NBPF9: variants seen among roughly 807,000 people sequenced by gnomAD.
NBPF9 encodes NBPF family member NBPF9.
In NBPF9, 91 loss-of-function variants were observed where a neutral mutation model predicts 97.8. The observed-to-expected ratio is 0.93, with a 90% CI of 0.79 to 1.11. The LOEUF is 1.11. Among genes scored for constraint, NBPF9 ranks in the 50% least tolerant of loss-of-function variants. NBPF9 has a pLI of 0.00. For synonymous variants in NBPF9, 334 were observed against 359.5 expected (o/e 0.93, Z 0.80); for missense variants, 992 against 939.5 (o/e 1.06, Z -0.73).
At chr1:149,062,296 C>T (rs587634619) in intron 21 of NBPF9, 31 bp from the exon 22 acceptor site, 63 of 634,534 alleles carry the variant, frequency 9.9e-5, no homozygotes, top group East Asian at 3.0e-4. Flanking sequence ...AAAGAATAAG[C>T]CAGGGGGAAT....
rs1553648719 is a variant in NBPF9, at chr1:149,055,856, G to A, written c.3136C>T (p.Gln1046Ter). 2 of 1,606,960 alleles carry A rather than the reference G, an allele frequency of 1.2e-6. No individual in the cohort carries two copies. Among genetic ancestry groups the A allele is most frequent in the African/African-American group, 1.3e-5 (1 of 74,834 alleles). ...GAATAACATCCATCCAGTGAGTCCTGCAAGACTTCAGGCTCTTCCACTTCC... is the reference window on the plus strand; with the variant it reads ...GAATAACATCCATCCAGTGAGTCCTACAAGACTTCAGGCTCTTCCACTTCC... The change falls in exon 30 of 30, where the codon CAG becomes TAG. Residue 1046 changes from glutamine (Q) to a stop codon, truncating the protein, a stop_gained. Transcript: ENST00000584027. LOFTEE classifies it low-confidence loss of function (END_TRUNC).
At chr1:149,082,123 C>T (rs782331884) in exon 7 of NBPF9, 1 of 1,611,902 alleles carries the variant, frequency 6.2e-7, no homozygotes, top group South Asian at 1.1e-5. Context: ...GGACCAAGGG[C>T]CGGCTGATAC....
At chr1:149,058,094 C>T in intron 27 of NBPF9, 70 bp downstream of exon 27, 1 of 495,602 alleles carries the variant, frequency 2.0e-6, no homozygotes, top group South Asian at 1.9e-5. Flanking sequence ...TGTCAGCCCG[C>T]TCTGTTTTCC....
intron 5 of NBPF9, among the ~76,000 whole-genome samples, chr1:149,083,589 TTA>T (rs1456860549): frequency 5.6e-5 from 8 of 143,226 alleles, no homozygotes; most frequent in African/African-American, 2.0e-4. Context: ...TCTCAAATTT[TTA>T]TATTCATTGA....
chr1:149,072,147 G>T (rs1450825788), intron 14 of NBPF9, among the ~76,000 whole-genome samples: 1 of 150,714 alleles, frequency 6.6e-6, no homozygotes, highest in Non-Finnish European at 1.5e-5. Context: ...CTATCCATGG[G>T]GAGTGCTCCA....
chr1:149,100,593 C>A (rs1553663063), intron 3 of NBPF9, among the ~76,000 whole-genome samples: 2 of 151,876 alleles, frequency 1.3e-5, no homozygotes, highest in African/African-American at 2.4e-5. Flanking sequence ...AAAGGATAGT[C>A]TTTTCAATAA....
chr1:149,093,093 G>A (rs1298492199), intron 4 of NBPF9, among the ~76,000 whole-genome samples: 2 of 151,954 alleles, frequency 1.3e-5, no homozygotes, highest in African/African-American at 2.4e-5. Context: ...GGGGGATGTG[G>A]CAGGACAATA....
Position 149,090,652 on chromosome 1 carries a change from G to A in NBPF9, c.-195+101C>T. The A allele has an allele frequency of 2.4e-5, 14 of 589,548 alleles. No homozygotes were observed. In the South Asian group the frequency reaches 2.7e-4, roughly 11 times the overall value. The allele number at this position is 589,548 out of a possible 1,614,324, so 36.5% of individuals were successfully genotyped here. A position where few individuals can be genotyped will look rare whatever the true frequency, so the allele number is the denominator to read the frequency against. On this transcript the variant is annotated intron_variant, in intron 5 of 29. Coordinates refer to ENST00000584027, the Ensembl canonical transcript of NBPF9. ...AGTGATACGAAGAAAACTCAGCTAA[G>A]CATATGGGCTAGATTAGAGAGAAAA... is the stretch of plus-strand genomic sequence containing the variant.
At chr1:149,055,614 C>T (rs782671745) in exon 30 of NBPF9, 12 of 1,611,190 alleles carry the variant, frequency 7.4e-6, no homozygotes, top group Non-Finnish European at 8.5e-7. Context: ...GCCTATAGGT[C>T]CTGCCTGCAG....
intron 19 of NBPF9, among the ~76,000 whole-genome samples, chr1:149,064,038 A>ACACACG (rs2078848647): frequency 1.5e-5 from 2 of 136,120 alleles, no homozygotes; most frequent in African/African-American, 2.9e-5. Context: ...ACACACACAC[A>ACACACG]GAGCGAGCTG....
At chr1:149,075,544 T>C in intron 12 of NBPF9, 111 bp downstream of exon 12, 1 of 1,355,334 alleles carries the variant, frequency 7.4e-7, no homozygotes. Flanking sequence ...TCTGTTTTCC[T>C]AGAAGTATGG....
rs1216254316 is a variant in NBPF9 at position 149,055,730 on chromosome 1, C to A, written c.3262G>T (p.Asp1088Tyr). The stretch of plus-strand genomic sequence containing the variant: ...ACCGTCAAAGTAAAAAACCTATTGT[C>A]CACGTAAAGGGCGAAGCTGATGTGC... The change falls in exon 30 of 30, where the codon GAC becomes TAC. Residue 1088 changes from aspartate (D) to tyrosine (Y), a missense_variant. Physicochemically the swap from Asp to Tyr is radical, Grantham distance 160 (BLOSUM62 -3). Transcript: ENST00000584027. 2.5e-6 allele frequency: 4 copies of A among 1,611,746 alleles called. No individual in the cohort carries two copies. The African/African-American group carries it at 5.3e-5, about 22-fold the overall frequency.
Position 149,071,615 on chromosome 1 carries a change from C to A in NBPF9, c.1368G>T (p.Ser456=). The A allele has an allele frequency of 1.5e-6, 2 of 1,311,564 alleles. 1 individual carries two copies. Among genetic ancestry groups the A allele is most frequent in the Non-Finnish European group, 2.1e-6 (2 of 944,502 alleles). The allele number at this position is 1,311,564 out of a possible 1,614,324, so 81.2% of individuals were successfully genotyped here. A position where few individuals can be genotyped will look rare whatever the true frequency, so the allele number is the denominator to read the frequency against. ...GTATTCAGTGTTACCTGGGGGCAGA[C>A]GATTTCTGCACTTTCTCAGCCACCT... Residue 456 remains serine (S), a synonymous_variant, in exon 15 of 30, where the codon TCG becomes TCT. Transcript: ENST00000584027.
At chr1:149,055,475 T>G (rs1248813397) in exon 30 of NBPF9, 3 of 1,259,448 alleles carry the variant, frequency 2.4e-6, no homozygotes, top group Non-Finnish European at 3.3e-6. Context: ...CTAACGTGGG[T>G]CCATTGTCTT....
chr1:149,077,837 TTCA>T (rs2080035354), intron 10 of NBPF9, 43 bp downstream of exon 10: 1 of 1,596,054 alleles, frequency 6.3e-7, no homozygotes, highest in Admixed American at 1.7e-5. Flanking sequence ...CCTAGACATC[TTCA>T]TATGTTACCA....
chr1:149,054,059 G>A (rs4124907), exon 30 of NBPF9: 13 of 150,470 alleles, frequency 8.6e-5, no homozygotes, highest in East Asian at 2.0e-4. Flanking sequence ...TTATTAATTC[G>A]CATCAGTACC....
intron 13 of NBPF9, among the ~76,000 whole-genome samples, 200 bp downstream of exon 13, chr1:149,073,568 G>A (rs1381691700): frequency 1.3e-5 from 2 of 148,964 alleles, no homozygotes; most frequent in Non-Finnish European, 3.0e-5. Context: ...GAGAAAACAA[G>A]GCTCTGAGAA....
At chr1:149,095,694 T>A in intron 4 of NBPF9, among the ~76,000 whole-genome samples, 1 of 148,466 alleles carries the variant, frequency 6.7e-6, no homozygotes, top group Non-Finnish European at 1.5e-5. Flanking sequence ...CAAATAAGCA[T>A]ATGAGAAAGA....
intron 4 of NBPF9, among the ~76,000 whole-genome samples, chr1:149,095,318 T>C (rs2081670043): frequency 6.8e-6 from 1 of 147,996 alleles, no homozygotes; most frequent in Admixed American, 6.7e-5. Flanking sequence ...CTTTATAAAA[T>C]AAATCTTACA....
Sources: gnomAD v4.1 joint callset for allele counts (sites outside exome capture counted in the v4.1 genomes callset) on GRCh38, gnomAD v4.1.1 for gene constraint, MANE v1.5 for transcripts, NCBI Gene and HGNC (gene_info 2026-07-23, HGNC 2026-07-21) for gene names.